The following TIMM23B variants were observed in gnomAD, a reference collection of about 807,000 sequenced individuals.
TIMM23B encodes the protein translocase of inner mitochondrial membrane 23 homolog B.
In TIMM23B, 27 loss-of-function variants were observed where a neutral mutation model predicts 27.3. The ratio of observed to expected loss-of-function variants is 0.99; its 90% CI spans 0.73 to 1.36. TIMM23B has a LOEUF of 1.36. Among genes scored for constraint, TIMM23B ranks in the 40% most tolerant of loss-of-function variants. The probability of loss-of-function intolerance (pLI) is 0.00; values close to 1 mark genes in which losing one functional copy is unlikely to be tolerated. For synonymous variants in TIMM23B, 73 were observed against 92.4 expected (o/e 0.79, Z 1.21); for missense variants, 205 against 244.2 (o/e 0.84, Z 1.07).
At chr10:49,958,564 T>TGCAACAGAGTGTAATTTC in intron 6 of TIMM23B, 84 bp downstream of exon 6, 4 of 1,080,108 alleles carry the variant, frequency 3.7e-6, no homozygotes, top group Non-Finnish European at 5.7e-6. Context: ...GAAATTACAC[T>TGCAACAGAGTGTAATTTC]CTGTTGCAGT....
chr10:49,968,948 C>T (rs1285925909), intron 6 of TIMM23B, among the ~76,000 whole-genome samples: 1 of 152,244 alleles, frequency 6.6e-6, no homozygotes, highest in African/African-American at 2.4e-5. Flanking sequence ...TGATGATTAT[C>T]AATTTACAGG....
At chr10:49,942,713 G>A (rs1476983438) in intron 1 of TIMM23B, among the ~76,000 whole-genome samples, 2 of 152,158 alleles carry the variant, frequency 1.3e-5, no homozygotes, top group East Asian at 3.8e-4. Flanking sequence ...AGCCGTAAGG[G>A]CAGAATATTC....
chr10:49,963,800 T>C (rs1315174111), intron 6 of TIMM23B, among the ~76,000 whole-genome samples: 1 of 152,132 alleles, frequency 6.6e-6, no homozygotes, highest in Non-Finnish European at 1.5e-5. Context: ...ACCCCATCTC[T>C]ACTAAAATAC....
intron 1 of TIMM23B, among the ~76,000 whole-genome samples, chr10:49,944,811 A>G (rs1177964972): frequency 4.6e-5 from 7 of 152,238 alleles, no homozygotes; most frequent in Non-Finnish European, 1.0e-4. Flanking sequence ...TATTGGTGTA[A>G]AAGCCTGAGC....
rs1450672628 is a variant in TIMM23B at position 49,960,867 on chromosome 10, G to A, written c.514+2387G>A. On this transcript the variant is annotated intron_variant, in intron 6 of 6. Transcript: ENST00000651259. The stretch of plus-strand genomic sequence containing the variant: ...TGTGGGAGAAAAGTCTGGGAAGATA[G>A]TTTAGGCTTATGGCATGGAAAGCTA... Among the ~76,000 whole-genome samples the A allele has an allele frequency of 4.0e-3, 611 of 152,256 alleles. 4 individuals are homozygous for A. The highest frequency in any genetic ancestry group is 0.014 in the African/African-American group (594 of 41,558).
At chr10:49,944,916 G>C (rs1170470687) in intron 1 of TIMM23B, 116 bp from the exon 2 acceptor site, 1 of 1,333,300 alleles carries the variant, frequency 7.5e-7, no homozygotes, top group African/African-American at 1.5e-5. Context: ...AAAATTTTCT[G>C]CCTTCAGTGA....
chr10:49,965,512 GAAATGAAATGAAAC>G (rs1253875780), intron 6 of TIMM23B, among the ~76,000 whole-genome samples: 1 of 150,102 alleles, frequency 6.7e-6, no homozygotes, highest in Admixed American at 6.7e-5. Flanking sequence ...TCTCTGTCTC[GAAATGAAATGAAAC>G]AAATGAAATG....
At chr10:49,957,763 CAT>C (rs1479153925) in intron 5 of TIMM23B, among the ~76,000 whole-genome samples, 19 of 152,156 alleles carry the variant, frequency 1.2e-4, no homozygotes, top group African/African-American at 3.6e-4. Context: ...ACTTGGGCCT[CAT>C]GTGGAAAATT....
intron 2 of TIMM23B, among the ~76,000 whole-genome samples, chr10:49,951,575 T>C (rs1251140327): frequency 3.3e-5 from 5 of 152,144 alleles, no homozygotes; most frequent in African/African-American, 1.2e-4. Context: ...GTGTATGCAA[T>C]TACTAGAAAT....
intron 2 of TIMM23B, 61 bp downstream of exon 2, chr10:49,945,151 T>C: frequency 1.3e-6 from 2 of 1,566,484 alleles, no homozygotes; most frequent in Non-Finnish European, 1.8e-6. Flanking sequence ...AAACGCCAAG[T>C]GCTATGCTGA....
intron 6 of TIMM23B, among the ~76,000 whole-genome samples, chr10:49,971,839 A>T (rs1178347257): frequency 7.9e-5 from 12 of 152,344 alleles, no homozygotes; most frequent in Middle Eastern, 3.4e-3. Context: ...AATATAACAC[A>T]TTCTGTGCTG....
chr10:49,969,299 T>TG (rs782093544), intron 6 of TIMM23B, among the ~76,000 whole-genome samples: 5 of 152,060 alleles, frequency 3.3e-5, no homozygotes, highest in Non-Finnish European at 5.9e-5. Flanking sequence ...TAGCCAGTCT[T>TG]GGTGGTGGGC....
intron 6 of TIMM23B, among the ~76,000 whole-genome samples, chr10:49,963,691 T>C (rs1217395684): frequency 6.6e-6 from 1 of 151,844 alleles, no homozygotes; most frequent in Non-Finnish European, 1.5e-5. Flanking sequence ...AAATACTGGG[T>C]GCGGTGGCTC....
chr10:49,969,577 A>G (rs1342181488), intron 6 of TIMM23B, among the ~76,000 whole-genome samples: 3 of 151,248 alleles, frequency 2.0e-5, no homozygotes, highest in South Asian at 2.1e-4. Flanking sequence ...ATGGTGGTAC[A>G]TGCTACTCCC....
At chr10:49,944,764 A>T (rs1285205934) in intron 1 of TIMM23B, among the ~76,000 whole-genome samples, 1 of 152,242 alleles carries the variant, frequency 6.6e-6, no homozygotes, top group African/African-American at 2.4e-5. Context: ...CACTTCCTGT[A>T]AGTTCAAAAA....
intron 1 of TIMM23B, among the ~76,000 whole-genome samples, chr10:49,943,546 A>G (rs1326592870): frequency 1.3e-5 from 2 of 151,956 alleles, no homozygotes; most frequent in Non-Finnish European, 2.9e-5. Flanking sequence ...ACACAGTTTC[A>G]TATTAATCTT....
Position 49,966,072 on chromosome 10 carries a change from T to G in TIMM23B, c.515-6940T>G, listed in dbSNP as rs1238278317. The stretch of plus-strand genomic sequence containing the variant: ...GTCTCTGTCTCGAAATGAAATGACA[T>G]GACATGACATGACATGACATGACAT... On this transcript the variant is annotated intron_variant, in intron 6 of 6. Coordinates refer to ENST00000651259, the MANE Select transcript of TIMM23B (RefSeq NM_001290117.2). Among the ~76,000 whole-genome samples the G allele has an allele frequency of 1.5e-4, 8 of 54,338 alleles. 1 individual carries two copies. Among genetic ancestry groups the G allele is most frequent in the African/African-American group, 2.5e-4 (7 of 28,278 alleles). The allele number at this position is 54,338 out of a possible 152,430, so 35.6% of individuals were successfully genotyped here.
At chr10:49,949,945 A>T (rs1444136356) in intron 2 of TIMM23B, among the ~76,000 whole-genome samples, 1 of 151,946 alleles carries the variant, frequency 6.6e-6, no homozygotes, top group Non-Finnish European at 1.5e-5. Flanking sequence ...TTGGCCTCCC[A>T]AAGTGCTGGG....
At chr10:49,969,230 G>A (rs541286599) in intron 6 of TIMM23B, among the ~76,000 whole-genome samples, 328 of 152,264 alleles carry the variant, frequency 2.2e-3, no homozygotes, top group African/African-American at 7.6e-3. Flanking sequence ...AGCCAATGTG[G>A]GCAGATTGAG....
Sources: allele counts gnomAD v4.1 joint callset (sites outside exome capture counted in the v4.1 genomes callset), GRCh38; gene constraint gnomAD v4.1.1; transcripts MANE v1.5; gene names NCBI Gene and HGNC (gene_info 2026-07-23, HGNC 2026-07-21).